The following DLGAP2 variants were observed in gnomAD, a reference collection of about 807,000 sequenced individuals.
DLGAP2 encodes the protein DLG associated protein 2.
In DLGAP2, 26 loss-of-function variants were observed where a neutral mutation model predicts 100.3. The observed-to-expected ratio is 0.26, with a 90% CI of 0.19 to 0.36. The LOEUF is 0.36. DLGAP2 is among the 10% of genes least tolerant of loss of function. The pLI is 1.00. For missense variants in DLGAP2, 1,858 were observed against 1,453.2 expected (o/e 1.28, Z -4.53); for synonymous variants, 886 against 630.1 (o/e 1.41, Z -6.08).
At chr8:1,505,336 T>C (rs1799869352) in intron 4 of DLGAP2, among the ~76,000 whole-genome samples, 1 of 152,220 alleles carries the variant, frequency 6.6e-6, no homozygotes, top group Admixed American at 6.5e-5. Context: ...GTTAAAGTCA[T>C]AAAGCAATGA....
rs1165790168 is a variant in DLGAP2, at chr8:1,481,471, C to CTTTTTTTTTTTTTT, written c.107-19884_107-19871dup. Among the ~76,000 whole-genome samples the CTTTTTTTTTTTTTT allele has an allele frequency of 3.3e-3, 142 of 43,622 alleles. 1 individual carries two copies. Among genetic ancestry groups the CTTTTTTTTTTTTTT allele is most frequent in the Non-Finnish European group, 4.8e-3 (105 of 21,998 alleles). The allele number at this position is 43,622 out of a possible 152,430, so 28.6% of individuals were successfully genotyped here. ...GGATTTTCTTTTTCTTTTTCTTTTT[C>CTTTTTTTTTTTTTT]TTTTTTTTTTTTTTTTTTTTTTTTG... On this transcript the variant is annotated intron_variant, in intron 3 of 14. Coordinates refer to ENST00000637795, the MANE Select transcript of DLGAP2 (RefSeq NM_001346810.2).
At position 1,301,328 on chromosome 8, in the gene DLGAP2, G is replaced by C. The variant is rs192446764; in HGVS notation, c.106+42445G>C. The C allele has an allele frequency of 1.5e-3, 235 of 152,388 alleles. 1 individual carries two copies. Among genetic ancestry groups the C allele is most frequent in the African/African-American group, 5.4e-3 (225 of 41,578 alleles). 9.4% of individuals were successfully genotyped at this position (152,388 alleles called of 1,614,324 possible). On this transcript the variant is annotated intron_variant, in intron 3 of 14. Transcript: ENST00000637795. ...TCCTCCATGAGAGGCCTCTGCCTGGGCATCATGCTCGAGCTCCGGGGCCTA... is the reference window on the plus strand; with the variant it reads ...TCCTCCATGAGAGGCCTCTGCCTGGCCATCATGCTCGAGCTCCGGGGCCTA...
chr8:1,616,886 C>T (rs771726384), intron 6 of DLGAP2, among the ~76,000 whole-genome samples: 1 of 152,146 alleles, frequency 6.6e-6, no homozygotes, highest in African/African-American at 2.4e-5. Flanking sequence ...TCCTCTCCCT[C>T]CTTCTAACCT....
At chr8:1,266,675 C>T (rs1277401999) in intron 3 of DLGAP2, among the ~76,000 whole-genome samples, 1 of 152,070 alleles carries the variant, frequency 6.6e-6, no homozygotes, top group Non-Finnish European at 1.5e-5. Flanking sequence ...GTGGGTGCAC[C>T]CGGGACGTTG....
At chr8:1,641,975 C>T (rs1167156353) in intron 8 of DLGAP2, among the ~76,000 whole-genome samples, 8 of 71,818 alleles carry the variant, frequency 1.1e-4, no homozygotes, top group South Asian at 6.1e-4. Flanking sequence ...TCGACCCCGC[C>T]GGTCCCCACC....
intron 3 of DLGAP2, chr8:1,380,216 A>C (rs1388052331): frequency 6.6e-6 from 1 of 152,212 alleles, no homozygotes; most frequent in Non-Finnish European, 1.5e-5. Context: ...GGTGTCTCTC[A>C]GCACTTCAGG....
At chr8:1,535,604 T>C (rs765203923) in intron 4 of DLGAP2, among the ~76,000 whole-genome samples, 2 of 152,248 alleles carry the variant, frequency 1.3e-5, no homozygotes, top group Non-Finnish European at 2.9e-5. Flanking sequence ...GATTTGGTTT[T>C]ACCAAAAATG....
chr8:1,105,436 G>T (rs144626419), intron 2 of DLGAP2, among the ~76,000 whole-genome samples: 23 of 152,242 alleles, frequency 1.5e-4, no homozygotes, highest in Non-Finnish European at 3.1e-4. Flanking sequence ...CCTTTGATGA[G>T]AACAGTCACC....
intron 1 of DLGAP2, among the ~76,000 whole-genome samples, chr8:746,564 C>T (rs1213850415): frequency 6.6e-6 from 1 of 152,254 alleles, no homozygotes; most frequent in Admixed American, 6.5e-5. Flanking sequence ...TGGCAGTGTC[C>T]CTGCACCTGA....
intron 1 of DLGAP2, among the ~76,000 whole-genome samples, chr8:763,764 G>A (rs1005461691): frequency 3.3e-5 from 5 of 152,160 alleles, no homozygotes; most frequent in Non-Finnish European, 7.3e-5. Flanking sequence ...CACATGAGGT[G>A]TGGAAAACCC....
At chr8:1,511,684 C>G (rs182754098) in intron 4 of DLGAP2, among the ~76,000 whole-genome samples, 1 of 150,944 alleles carries the variant, frequency 6.6e-6, no homozygotes, top group Non-Finnish European at 1.5e-5. Context: ...GTAGGACAAT[C>G]AATAGATGAC....
intron 2 of DLGAP2, among the ~76,000 whole-genome samples, chr8:1,227,038 C>T (rs1490633732): frequency 6.7e-6 from 1 of 149,904 alleles, no homozygotes; most frequent in Non-Finnish European, 1.5e-5. Flanking sequence ...ATCACCACCT[C>T]GGAAATATAT....
At chr8:1,312,036 A>T (rs552174620) in intron 3 of DLGAP2, among the ~76,000 whole-genome samples, 1 of 152,338 alleles carries the variant, frequency 6.6e-6, no homozygotes, top group East Asian at 1.9e-4. Context: ...GGTTGAACTG[A>T]GTGATACCAT....
intron 3 of DLGAP2, among the ~76,000 whole-genome samples, chr8:1,282,262 C>T (rs1201906659): frequency 2.2e-4 from 32 of 143,406 alleles, no homozygotes; most frequent in Non-Finnish European, 2.3e-4. Context: ...GAACCCAGCG[C>T]CCTGAACCAT....
At chr8:1,292,884 C>A (rs1800092107) in intron 3 of DLGAP2, among the ~76,000 whole-genome samples, 1 of 152,162 alleles carries the variant, frequency 6.6e-6, no homozygotes, top group Non-Finnish European at 1.5e-5. Context: ...ACAGTGCCCA[C>A]CCCGTGCGTG....
chr8:844,925 A>G (rs1797046330), intron 1 of DLGAP2, among the ~76,000 whole-genome samples: 2 of 152,206 alleles, frequency 1.3e-5, no homozygotes, highest in Admixed American at 6.5e-5. Context: ...AAACAGAATC[A>G]TACAATATAT....
At chr8:1,201,476 C>G (rs570073015) in intron 2 of DLGAP2, among the ~76,000 whole-genome samples, 1 of 152,148 alleles carries the variant, frequency 6.6e-6, no homozygotes, top group African/African-American at 2.4e-5. Context: ...TCCAGAGCCT[C>G]CAGAAGGAAG....
chr8:945,791 C>G (rs949559700), intron 2 of DLGAP2, among the ~76,000 whole-genome samples: 3 of 152,000 alleles, frequency 2.0e-5, no homozygotes, highest in Admixed American at 6.6e-5. Flanking sequence ...CACTCTCTCC[C>G]TCTCCTCCCT....
At chr8:1,124,805 G>A (rs1444014528) in intron 2 of DLGAP2, among the ~76,000 whole-genome samples, 5 of 152,120 alleles carry the variant, frequency 3.3e-5, no homozygotes, top group African/African-American at 1.2e-4. Flanking sequence ...AAATCATCTC[G>A]TTTTAGTGGG....
Sources: gnomAD v4.1 joint callset for allele counts (sites outside exome capture counted in the v4.1 genomes callset) on GRCh38, gnomAD v4.1.1 for gene constraint, MANE v1.5 for transcripts, NCBI Gene and HGNC (gene_info 2026-07-23, HGNC 2026-07-21) for gene names.